The following PLXNA2 variants were observed in gnomAD, a reference collection of about 807,000 sequenced individuals.
PLXNA2 encodes plexin-A2.
Under a neutral mutation model 193.5 loss-of-function variants are expected in PLXNA2, and 91 were observed. The ratio of observed to expected loss-of-function variants is 0.47; its 90% CI spans 0.40 to 0.56. PLXNA2 has a LOEUF of 0.56. PLXNA2 is among the 20% of genes least tolerant of loss of function. The pLI is 0.00. For missense variants in PLXNA2, 1,995 were observed against 2,503.2 expected (o/e 0.80, Z 4.33); for synonymous variants, 997 against 1,027.3 (o/e 0.97, Z 0.56).
intron 4 of PLXNA2, among the ~76,000 whole-genome samples, chr1:208,111,827 C>T (rs758253658): frequency 2.9e-4 from 44 of 151,940 alleles, no homozygotes; most frequent in Non-Finnish European, 4.3e-4. Context: ...CCTGCCTGTC[C>T]TCTGGGCTGT....
intron 9 of PLXNA2, among the ~76,000 whole-genome samples, chr1:208,088,971 C>A (rs1261066135): frequency 6.6e-6 from 1 of 152,152 alleles, no homozygotes; most frequent in Non-Finnish European, 1.5e-5. Flanking sequence ...CTTATTTAAG[C>A]CTCAGTCTAT....
At chr1:208,108,976 G>T (rs1667370622) in intron 4 of PLXNA2, among the ~76,000 whole-genome samples, 1 of 152,156 alleles carries the variant, frequency 6.6e-6, no homozygotes, top group Non-Finnish European at 1.5e-5. Flanking sequence ...CAGGCTGGTG[G>T]GCCCCTCCAA....
intron 3 of PLXNA2, among the ~76,000 whole-genome samples, chr1:208,145,979 T>C (rs954863966): frequency 6.6e-6 from 1 of 152,094 alleles, no homozygotes; most frequent in Non-Finnish European, 1.5e-5. Flanking sequence ...CCCCGATCCA[T>C]GCTATCTGCC....
intron 4 of PLXNA2, among the ~76,000 whole-genome samples, chr1:208,118,407 A>G (rs1186578229): frequency 6.6e-6 from 1 of 152,198 alleles, no homozygotes; most frequent in Non-Finnish European, 1.5e-5. Flanking sequence ...ACCCTCTTCC[A>G]GGAGATGCAA....
At chr1:208,112,357 A>G (rs1418234807) in intron 4 of PLXNA2, among the ~76,000 whole-genome samples, 2 of 152,210 alleles carry the variant, frequency 1.3e-5, no homozygotes, top group African/African-American at 2.4e-5. Flanking sequence ...TCAGTTTCCA[A>G]TCCAGCTTCT....
rs1665052760 is a variant in PLXNA2 at position 208,046,061 on chromosome 1, C to T, written c.3312G>A (p.Thr1104=). 13 of 1,614,118 alleles carry T rather than the reference C, an allele frequency of 8.1e-6. No individual in the cohort carries two copies. The highest frequency in any genetic ancestry group is 2.2e-5 in the South Asian group (2 of 91,090). The part of the protein sequence containing the change: ...TLTCLAPSLT[T]DYRPGLDTVE... The stretch of plus-strand genomic sequence containing the variant: ...CAGTGTCCAGGCCAGGGCGGTAGTC[C>T]GTGGTCAGAGAGGGTGCCAGGCAGG... Residue 1104 remains threonine (T), a synonymous_variant, in exon 18 of 32, where the codon ACG becomes ACA. Coordinates refer to ENST00000367033, the MANE Select transcript of PLXNA2 (RefSeq NM_025179.4).
chr1:208,132,681 T>G (rs997773882), intron 4 of PLXNA2, among the ~76,000 whole-genome samples: 3 of 152,180 alleles, frequency 2.0e-5, no homozygotes, highest in Non-Finnish European at 4.4e-5. Flanking sequence ...TAGGTGTGGC[T>G]GTTTGCAAAG....
chr1:208,065,191 A>G (rs1264791128), intron 12 of PLXNA2, among the ~76,000 whole-genome samples: 2 of 152,192 alleles, frequency 1.3e-5, no homozygotes, highest in Non-Finnish European at 2.9e-5. Context: ...CAGAAGGGAA[A>G]CCAAAGTATG....
chr1:208,068,215 G>GT (rs1665859303), intron 12 of PLXNA2, among the ~76,000 whole-genome samples: 1 of 152,166 alleles, frequency 6.6e-6, no homozygotes, highest in Non-Finnish European at 1.5e-5. Context: ...CCAATTCTCT[G>GT]TTAAAAGGAA....
intron 9 of PLXNA2, among the ~76,000 whole-genome samples, chr1:208,085,777 A>G (rs752513332): frequency 2.0e-5 from 3 of 152,064 alleles, no homozygotes; most frequent in African/African-American, 7.2e-5. Flanking sequence ...CTTGCACATA[A>G]TAGTCCAGCC....
intron 17 of PLXNA2, among the ~76,000 whole-genome samples, chr1:208,047,834 A>G (rs1446081979): frequency 6.6e-6 from 1 of 152,260 alleles, no homozygotes; most frequent in Non-Finnish European, 1.5e-5. Flanking sequence ...AAGGGAATTT[A>G]AGAGTTTAAA....
chr1:208,236,163 G>A lies in PLXNA2; in HGVS notation c.-81+7480C>T, dbSNP rs757422003. Among the ~76,000 whole-genome samples the A allele has an allele frequency of 6.6e-6, 1 of 152,172 alleles. No homozygotes were observed. The highest frequency in any genetic ancestry group is 1.5e-5 in the Non-Finnish European group (1 of 68,028). ...GGCCTCCTGCCTGTGGACGGGGAAGGAGCCTGGGTCTTCCTGTCTGGCTTG... is the reference window on the plus strand; with the variant it reads ...GGCCTCCTGCCTGTGGACGGGGAAGAAGCCTGGGTCTTCCTGTCTGGCTTG... On this transcript the variant is annotated intron_variant, in intron 1 of 31. Coordinates refer to ENST00000367033, the MANE Select transcript of PLXNA2 (RefSeq NM_025179.4). The surrounding 1 kb of genome is among the most constrained non-coding windows in gnomAD (Gnocchi z 4.4).
intron 2 of PLXNA2, among the ~76,000 whole-genome samples, chr1:208,213,386 A>C (rs1381798328): frequency 6.6e-6 from 1 of 152,220 alleles, no homozygotes; most frequent in African/African-American, 2.4e-5. Flanking sequence ...ACTAAATTCA[A>C]ATCCCCGCTT....
rs1291765367 is a variant in PLXNA2 at position 208,145,161 on chromosome 1, C to G, written c.1372-2698G>C. On this transcript the variant is annotated intron_variant, in intron 3 of 31. Transcript: ENST00000367033. Reference sequence around the variant, plus strand: ...GTGATTGCCATGACTTCTGGTTGGCCTGGTCTCAGTTTTCTGTCTCCATAA... The same window carrying G: ...GTGATTGCCATGACTTCTGGTTGGCGTGGTCTCAGTTTTCTGTCTCCATAA... Among the ~76,000 whole-genome samples, 2 of 152,180 alleles carry G rather than the reference C, an allele frequency of 1.3e-5. 1 individual carries two copies. Among genetic ancestry groups the G allele is most frequent in the South Asian group, 4.1e-4 (2 of 4,826 alleles).
At chr1:208,041,717 T>C (rs74152127) in intron 22 of PLXNA2, among the ~76,000 whole-genome samples, 4,289 of 152,312 alleles carry the variant, frequency 0.028, 188 homozygotes, top group African/African-American at 0.098. Context: ...AGCACAGCTC[T>C]AGAGGCACCG....
At chr1:208,158,627 A>G (rs1220993896) in intron 3 of PLXNA2, among the ~76,000 whole-genome samples, 1 of 151,920 alleles carries the variant, frequency 6.6e-6, no homozygotes, top group African/African-American at 2.4e-5. Context: ...ACACCCCCCA[A>G]CTCCATCTCT....
intron 26 of PLXNA2, among the ~76,000 whole-genome samples, chr1:208,037,240 T>A (rs1169954097): frequency 3.3e-5 from 5 of 152,176 alleles, no homozygotes; most frequent in African/African-American, 1.2e-4. Flanking sequence ...TTCTAAAGCC[T>A]CTTCTCTTCC....
At chr1:208,196,062 G>A (rs1670347685) in intron 3 of PLXNA2, among the ~76,000 whole-genome samples, 1 of 152,038 alleles carries the variant, frequency 6.6e-6, no homozygotes, top group African/African-American at 2.4e-5. Flanking sequence ...AACTGAAGGG[G>A]GCGAGTATAG....
At chr1:208,207,313 C>G (rs185629954) in intron 3 of PLXNA2, among the ~76,000 whole-genome samples, 8 of 152,340 alleles carry the variant, frequency 5.3e-5, no homozygotes, top group Non-Finnish European at 8.8e-5. Context: ...GCCTCACATA[C>G]AGGTTTTGGG....
Sources: gnomAD v4.1 joint callset for allele counts (sites outside exome capture counted in the v4.1 genomes callset) on GRCh38, gnomAD v4.1.1 for gene constraint, Gnocchi (gnomAD v3.1) non-coding constraint, MANE v1.5 for transcripts, NCBI Gene and HGNC (gene_info 2026-07-23, HGNC 2026-07-21) for gene names.